The following ZNF385D variants were observed in gnomAD, a reference collection of about 807,000 sequenced individuals.
ZNF385D encodes zinc finger protein 659.
In ZNF385D, 15 loss-of-function variants were observed where a neutral mutation model predicts 35.8. The ratio of observed to expected loss-of-function variants is 0.42; its 90% CI spans 0.28 to 0.64. The LOEUF (loss-of-function observed/expected upper bound fraction) is 0.64. ZNF385D is among the 30% of genes least tolerant of loss of function. The pLI is 0.23. For missense variants in ZNF385D, 474 were observed against 494.6 expected (o/e 0.96, Z 0.39); for synonymous variants, 212 against 186.8 (o/e 1.13, Z -1.10).
chr3:21,938,352 C>G (rs930179064), intron 3 of ZNF385D, among the ~76,000 whole-genome samples: 8 of 152,110 alleles, frequency 5.3e-5, no homozygotes, highest in African/African-American at 1.9e-4. Context: ...TGTATCAGGT[C>G]CAAGCCTGAA....
chr3:21,764,441 A>G (rs1302882926), intron 3 of ZNF385D, among the ~76,000 whole-genome samples: 1 of 152,184 alleles, frequency 6.6e-6, no homozygotes, highest in East Asian at 1.9e-4. Context: ...CTCTCGTATA[A>G]CCAGGTGATT....
At chr3:21,980,423 C>T (rs778538777) in intron 3 of ZNF385D, among the ~76,000 whole-genome samples, 5 of 151,890 alleles carry the variant, frequency 3.3e-5, no homozygotes, top group African/African-American at 7.3e-5. Flanking sequence ...AATAATGCAA[C>T]GTAATAATGT....
intron 1 of ZNF385D, among the ~76,000 whole-genome samples, chr3:21,692,719 C>T (rs1394924133): frequency 6.6e-6 from 1 of 152,212 alleles, no homozygotes; most frequent in African/African-American, 2.4e-5. Context: ...CCTATATTCT[C>T]CTTAGAAGGT....
intron 2 of ZNF385D, among the ~76,000 whole-genome samples, chr3:22,343,134 T>G (rs567865864): frequency 6.6e-6 from 1 of 152,382 alleles, no homozygotes; most frequent in South Asian, 2.1e-4. Flanking sequence ...TTTTACTTTT[T>G]AAAGTGTAGT....
chr3:22,232,204 G>A (rs77238293), intron 2 of ZNF385D, among the ~76,000 whole-genome samples: 2,725 of 152,136 alleles, frequency 0.018, 38 homozygotes, highest in Middle Eastern at 0.031. Context: ...AGATCATCTG[G>A]AATCATTATC....
chr3:21,931,001 C>A lies in ZNF385D; in HGVS notation c.325+237816G>T, dbSNP rs79125068. Among the ~76,000 whole-genome samples, 104 of 151,954 alleles carry A rather than the reference C, an allele frequency of 6.8e-4. No homozygotes were observed. In the East Asian group the frequency reaches 0.011, roughly 16 times the overall value. ...AGAAACTTCTGTGCTTTAAAAAGGA[C>A]CCTATGAAGACAATGAAATGCCAAG... is the stretch of plus-strand genomic sequence containing the variant. On this transcript the variant is annotated intron_variant, in intron 3 of 5. Transcript: ENST00000494108.
At chr3:21,581,309 C>T (rs1198007672) in intron 2 of ZNF385D, among the ~76,000 whole-genome samples, 1 of 152,124 alleles carries the variant, frequency 6.6e-6, no homozygotes, top group Non-Finnish European at 1.5e-5. Flanking sequence ...CTATCTCTCC[C>T]TCCAAATGCA....
chr3:21,672,304 T>C (rs1217336604), intron 1 of ZNF385D, among the ~76,000 whole-genome samples: 1 of 152,058 alleles, frequency 6.6e-6, no homozygotes, highest in Non-Finnish European at 1.5e-5. Context: ...TTTTGGATTG[T>C]TGATTCACTG....
intron 1 of ZNF385D, among the ~76,000 whole-genome samples, chr3:21,715,265 T>G (rs2068269772): frequency 6.6e-6 from 1 of 152,164 alleles, no homozygotes; most frequent in Non-Finnish European, 1.5e-5. Flanking sequence ...TCGTTCAAGT[T>G]TCCATTGTCT....
intron 2 of ZNF385D, among the ~76,000 whole-genome samples, chr3:21,647,297 G>T (rs541318529): frequency 1.1e-4 from 17 of 151,398 alleles, no homozygotes; most frequent in Non-Finnish European, 2.5e-4. Flanking sequence ...TTCAAATATG[G>T]CAGCAGTGAA....
At position 22,368,586 on chromosome 3, in the gene ZNF385D, G is replaced by C. The variant is rs114471879; in HGVS notation, c.106+3864C>G. Among the ~76,000 whole-genome samples the C allele has an allele frequency of 1.3e-3, 191 of 152,288 alleles. 2 individuals are homozygous for C. The highest frequency in any genetic ancestry group is 4.4e-3 in the African/African-American group (181 of 41,574). On this transcript the variant is annotated intron_variant, in intron 2 of 5. Transcript: ENST00000494108. ...GAAGACCAGGATCTTGGTGCCAGCAGATTCAATGACTGCGGTGGGCCCTCT... is the reference window on the plus strand; with the variant it reads ...GAAGACCAGGATCTTGGTGCCAGCACATTCAATGACTGCGGTGGGCCCTCT...
intron 3 of ZNF385D, among the ~76,000 whole-genome samples, chr3:22,115,924 C>T (rs1454801454): frequency 6.6e-6 from 1 of 152,006 alleles, no homozygotes; most frequent in African/African-American, 2.4e-5. Flanking sequence ...GATGCCTATA[C>T]CAAAAGCTGT....
chr3:22,018,609 A>T (rs532265407), intron 3 of ZNF385D, among the ~76,000 whole-genome samples: 1 of 151,896 alleles, frequency 6.6e-6, no homozygotes, highest in Non-Finnish European at 1.5e-5. Flanking sequence ...TAATTTTTTA[A>T]AATTATTACT....
intron 2 of ZNF385D, among the ~76,000 whole-genome samples, chr3:22,277,976 G>A (rs994838873): frequency 6.6e-6 from 1 of 152,052 alleles, no homozygotes; most frequent in African/African-American, 2.4e-5. Context: ...ACGTCCTTCA[G>A]GAAGTCTTTC....
At chr3:22,037,129 G>A (rs1309111287) in intron 3 of ZNF385D, among the ~76,000 whole-genome samples, 1 of 151,920 alleles carries the variant, frequency 6.6e-6, no homozygotes, top group Non-Finnish European at 1.5e-5. Context: ...TATTTGGGTT[G>A]GTTCCAAGTC....
Position 21,418,341 on chromosome 3 carries a change from C to T in ZNF385D, c.*2873G>A, listed in dbSNP as rs975065171. The T allele has an allele frequency of 2.0e-5, 3 of 152,162 alleles. No individual in the cohort carries two copies. Among genetic ancestry groups the T allele is most frequent in the Admixed American group, 6.5e-5 (1 of 15,278 alleles). The allele number at this position is 152,162 out of a possible 1,614,324, so 9.4% of individuals were successfully genotyped here. ...GGGAAAAGATACAGTTTTATGGCAG[C>T]CTGAACTATAATGGATGTTAATCTG... On this transcript the variant is annotated 3_prime_UTR_variant, in exon 8 of 8. Transcript: ENST00000281523.
chr3:21,642,809 C>A (rs997148247), intron 2 of ZNF385D, among the ~76,000 whole-genome samples: 1 of 151,976 alleles, frequency 6.6e-6, no homozygotes, highest in Non-Finnish European at 1.5e-5. Context: ...AATGGGTGAA[C>A]CTTGAGGACA....
intron 2 of ZNF385D, among the ~76,000 whole-genome samples, chr3:22,271,938 G>T (rs1701198938): frequency 6.6e-6 from 1 of 151,942 alleles, no homozygotes; most frequent in Admixed American, 6.6e-5. Context: ...ATTGAATTTT[G>T]ATCTCCTCCC....
intron 3 of ZNF385D, among the ~76,000 whole-genome samples, chr3:22,153,258 A>G (rs1050888218): frequency 4.6e-5 from 7 of 151,968 alleles, no homozygotes; most frequent in Non-Finnish European, 1.0e-4. Flanking sequence ...TAGGTACTCT[A>G]TAGTTCCCCT....
Sources: allele counts gnomAD v4.1 joint callset (sites outside exome capture counted in the v4.1 genomes callset), GRCh38; gene constraint gnomAD v4.1.1; transcripts MANE v1.5; gene names NCBI Gene and HGNC (gene_info 2026-07-23, HGNC 2026-07-21).